CSMD1: variants seen among roughly 807,000 people sequenced by gnomAD.
The protein encoded by CSMD1 is CUB and sushi domain-containing protein 1.
In CSMD1, 213 loss-of-function variants were observed where a neutral mutation model predicts 417.5. The ratio of observed to expected loss-of-function variants is 0.51; its 90% CI spans 0.46 to 0.57. CSMD1 has a LOEUF of 0.57. CSMD1 is among the 20% of genes least tolerant of loss of function. The pLI is 0.00. For synonymous variants in CSMD1, 2,862 were observed against 1,736.8 expected, an observed-to-expected ratio of 1.65 and a Z score of -16.11; for missense variants, 6,923 against 4,529.7, an observed-to-expected ratio of 1.53 and a Z score of -15.17.
In CSMD1 at chr8:4,061,416, C is replaced by G. The variant is rs556809824; in HGVS notation, c.416-29317G>C. On this transcript the variant is annotated intron_variant, in intron 3 of 69. Coordinates refer to ENST00000635120, the MANE Select transcript of CSMD1 (RefSeq NM_033225.6). ...AACAGATTAAATCAGCTTCCTAGCA[C>G]TCTTCCAACCTGTGAAACTTTTATA... Among the ~76,000 whole-genome samples the G allele has an allele frequency of 3.9e-5, 6 of 152,342 alleles. No homozygotes were observed. The South Asian group carries it at 1.0e-3, about 26-fold the overall frequency.
At chr8:3,849,442 G>C (rs1451411634) in intron 5 of CSMD1, among the ~76,000 whole-genome samples, 1 of 152,146 alleles carries the variant, frequency 6.6e-6, no homozygotes, top group East Asian at 1.9e-4. Flanking sequence ...AAGTAACCCT[G>C]CTCCTTCTGG....
rs1317009143 is a variant in CSMD1, at chr8:4,398,385, C to CTTTTTTTTT, written c.415+21567_415+21568insAAAAAAAAA. Among the ~76,000 whole-genome samples, 18 of 118,126 alleles carry CTTTTTTTTT rather than the reference C, an allele frequency of 1.5e-4. 3 individuals are homozygous for CTTTTTTTTT. The highest frequency in any genetic ancestry group is 1.5e-4 in the Non-Finnish European group (9 of 59,030). The allele number at this position is 118,126 out of a possible 152,430, so 77.5% of individuals were successfully genotyped here. On this transcript the variant is annotated intron_variant, in intron 3 of 69. Coordinates refer to ENST00000635120, the MANE Select transcript of CSMD1 (RefSeq NM_033225.6). ...CTCTTTTTAAATTGTCTTGCTGCAACTTCTTTTTTTTTTTTTTTTTTTTGT... is the reference window on the plus strand; with the variant it reads ...CTCTTTTTAAATTGTCTTGCTGCAACTTTTTTTTTTTCTTTTTTTTTTTTTTTTTTTTGT...
At chr8:3,575,991 G>A (rs747839931) in intron 9 of CSMD1, among the ~76,000 whole-genome samples, 3 of 135,356 alleles carry the variant, frequency 2.2e-5, no homozygotes, top group Non-Finnish European at 5.0e-5. Context: ...GAGAACTTCT[G>A]CTTCATTTTC....
intron 5 of CSMD1, among the ~76,000 whole-genome samples, chr8:3,836,479 G>C (rs1014210418): frequency 1.3e-5 from 2 of 152,134 alleles, no homozygotes; most frequent in East Asian, 1.9e-4. Flanking sequence ...AGATGTAGCA[G>C]AGATTGTTGC....
intron 3 of CSMD1, among the ~76,000 whole-genome samples, chr8:4,308,046 T>C (rs564703546): frequency 2.3e-4 from 35 of 152,280 alleles, no homozygotes; most frequent in African/African-American, 7.2e-4. Context: ...CAGACATGGA[T>C]CTGACTTTCA....
intron 26 of CSMD1, among the ~76,000 whole-genome samples, chr8:3,253,309 G>A (rs758355730): frequency 3.3e-5 from 5 of 152,144 alleles, no homozygotes; most frequent in Non-Finnish European, 5.9e-5. Flanking sequence ...TCAGGAGCAG[G>A]TCGTTCAGTT....
intron 8 of CSMD1, among the ~76,000 whole-genome samples, chr8:3,610,880 C>A (rs1044094645): frequency 5.3e-5 from 8 of 152,028 alleles, no homozygotes; most frequent in Admixed American, 1.3e-4. Context: ...ACTGAGTTGC[C>A]TTTTCCATTG....
intron 4 of CSMD1, among the ~76,000 whole-genome samples, chr8:4,029,417 C>G (rs901124037): frequency 1.3e-5 from 2 of 152,166 alleles, no homozygotes; most frequent in Admixed American, 6.5e-5. Context: ...CAAGGAGGAC[C>G]TAGCCACGTC....
At chr8:3,921,467 G>C (rs1033063982) in intron 5 of CSMD1, among the ~76,000 whole-genome samples, 2 of 151,902 alleles carry the variant, frequency 1.3e-5, no homozygotes, top group African/African-American at 2.4e-5. Context: ...TCCTAGTTCA[G>C]TGAGGTGTAA....
At chr8:4,096,811 C>T (rs1341303739) in intron 3 of CSMD1, among the ~76,000 whole-genome samples, 1 of 152,114 alleles carries the variant, frequency 6.6e-6, no homozygotes, top group Non-Finnish European at 1.5e-5. Context: ...GTCTTCTGAC[C>T]CATCATTCTT....
At chr8:3,824,648 A>C (rs1697243035) in intron 5 of CSMD1, among the ~76,000 whole-genome samples, 1 of 152,218 alleles carries the variant, frequency 6.6e-6, no homozygotes, top group Non-Finnish European at 1.5e-5. Context: ...ATGCTGAAAT[A>C]GCATTTGTTA....
chr8:4,093,859 C>T (rs922990637), intron 3 of CSMD1, among the ~76,000 whole-genome samples: 1 of 151,996 alleles, frequency 6.6e-6, no homozygotes, highest in African/African-American at 2.4e-5. Flanking sequence ...AATCGGGAGG[C>T]TGAGGCAGGA....
At chr8:3,781,101 T>C (rs1799155054) in intron 5 of CSMD1, among the ~76,000 whole-genome samples, 1 of 152,128 alleles carries the variant, frequency 6.6e-6, no homozygotes, top group African/African-American at 2.4e-5. Context: ...TGCAAACTGT[T>C]TCAAGAAGCC....
chr8:4,737,024 CAT>C (rs773802874), intron 1 of CSMD1, among the ~76,000 whole-genome samples: 4 of 152,128 alleles, frequency 2.6e-5, no homozygotes, highest in Admixed American at 1.3e-4. Flanking sequence ...ATCATAAAGA[CAT>C]ATGCACATGT....
chr8:4,868,502 CTAAAATGACAGTCG>C (rs1032897105), intron 1 of CSMD1, among the ~76,000 whole-genome samples: 1 of 151,968 alleles, frequency 6.6e-6, no homozygotes, highest in African/African-American at 2.4e-5. Context: ...TCCCAAAGTG[CTAAAATGACAGTCG>C]TATTATTTTC....
intron 6 of CSMD1, among the ~76,000 whole-genome samples, chr8:3,727,942 G>A (rs947098998): frequency 1.2e-4 from 19 of 152,142 alleles, no homozygotes; most frequent in African/African-American, 4.6e-4. Flanking sequence ...GGAGGAGGGG[G>A]TATGGGTAAT....
intron 3 of CSMD1, among the ~76,000 whole-genome samples, chr8:4,143,844 A>G (rs1803947415): frequency 2.0e-5 from 3 of 150,984 alleles, no homozygotes; most frequent in Admixed American, 2.0e-4. Flanking sequence ...TTAAGTACTT[A>G]TTTTGAGGTC....
chr8:2,980,294 G>C (rs1217750622), intron 54 of CSMD1, among the ~76,000 whole-genome samples: 1 of 151,894 alleles, frequency 6.6e-6, no homozygotes, highest in Non-Finnish European at 1.5e-5. Flanking sequence ...CCAAAGGCCA[G>C]ATTGAGCTGA....
At chr8:3,009,184 T>G (rs1808194167) in intron 52 of CSMD1, among the ~76,000 whole-genome samples, 1 of 152,220 alleles carries the variant, frequency 6.6e-6, no homozygotes, top group Non-Finnish European at 1.5e-5. Flanking sequence ...CACGCACTTT[T>G]GCCCCTAGAG....
Sources: allele counts gnomAD v4.1 joint callset (sites outside exome capture counted in the v4.1 genomes callset), GRCh38; gene constraint gnomAD v4.1.1; transcripts MANE v1.5; gene names NCBI Gene and HGNC (gene_info 2026-07-23, HGNC 2026-07-21).